ABCB11: variants seen among roughly 807,000 people sequenced by gnomAD.
ABCB11 encodes bile salt export pump.
ABCB11 carries 95 observed loss-of-function variants against 148.0 expected under a neutral mutation model. The observed-to-expected ratio is 0.64, with a 90% CI of 0.54 to 0.76. The LOEUF is 0.76. Among genes scored for constraint, ABCB11 ranks in the 30% least tolerant of loss-of-function variants. ABCB11 has a pLI of 0.00. For synonymous variants in ABCB11, 591 were observed against 555.4 expected, an observed-to-expected ratio of 1.06 and a Z score of -0.90; for missense variants, 1,523 against 1,617.8, an observed-to-expected ratio of 0.94 and a Z score of 1.01.
chr2:168,995,968 C>T (rs1694698970), intron 6 of ABCB11, among the ~76,000 whole-genome samples: 1 of 125,364 alleles, frequency 8.0e-6, no homozygotes, highest in Non-Finnish European at 1.6e-5. Flanking sequence ...GATAGATTTT[C>T]CCTAACTAAA....
intron 23 of ABCB11, among the ~76,000 whole-genome samples, chr2:168,934,098 C>A (rs1024954019): frequency 1.3e-5 from 2 of 148,168 alleles, no homozygotes; most frequent in East Asian, 3.9e-4. Flanking sequence ...CTAAATTATT[C>A]TAAAATTATT....
At chr2:169,008,145 A>G (rs947688765) in intron 5 of ABCB11, among the ~76,000 whole-genome samples, 14 of 152,274 alleles carry the variant, frequency 9.2e-5, no homozygotes, top group African/African-American at 2.9e-4. Flanking sequence ...TAGGATGGCT[A>G]TTGTATTGGT....
intron 12 of ABCB11, among the ~76,000 whole-genome samples, chr2:168,974,947 G>A (rs1199253852): frequency 6.8e-6 from 1 of 147,468 alleles, no homozygotes; most frequent in Admixed American, 6.9e-5. Context: ...ATATATTTAT[G>A]TATATAATGA....
At chr2:168,966,299 T>C (rs940655403) in intron 17 of ABCB11, among the ~76,000 whole-genome samples, 2 of 151,894 alleles carry the variant, frequency 1.3e-5, no homozygotes, top group Non-Finnish European at 2.9e-5. Flanking sequence ...CATCAACATA[T>C]GACTGACTAC....
intron 10 of ABCB11, among the ~76,000 whole-genome samples, chr2:168,983,539 A>G (rs766508816): frequency 1.3e-5 from 2 of 152,168 alleles, no homozygotes; most frequent in Non-Finnish European, 2.9e-5. Flanking sequence ...TATTTTCTTT[A>G]ACAAAGTTCA....
At chr2:169,009,415 C>A (rs1695114240) in intron 5 of ABCB11, among the ~76,000 whole-genome samples, 1 of 151,994 alleles carries the variant, frequency 6.6e-6, no homozygotes, top group South Asian at 2.1e-4. Flanking sequence ...ATGATGAGTT[C>A]ATGTCCTTTG....
chr2:168,958,180 T>C, intron 18 of ABCB11, 52 bp from the exon 19 acceptor site: 1 of 1,544,676 alleles, frequency 6.5e-7, no homozygotes, highest in Non-Finnish European at 8.9e-7. Flanking sequence ...CAAGACATTT[T>C]GCAGCAGATC....
At position 168,934,338 on chromosome 2, in the gene ABCB11, T is replaced by C. The variant is rs111362864; in HGVS notation, c.3056+846A>G. On this transcript the variant is annotated intron_variant, in intron 23 of 27. Coordinates refer to ENST00000650372, the MANE Select transcript of ABCB11 (RefSeq NM_003742.4). ...AAGGAAACCCAAGAACCGATTCCTA[T>C]AGGACCACTTTTCCTAATGCCCTCC... Among the ~76,000 whole-genome samples, 134 of 152,196 alleles carry C rather than the reference T, an allele frequency of 8.8e-4. 1 individual carries two copies. The highest frequency in any genetic ancestry group is 3.1e-3 in the African/African-American group (129 of 41,542).
intron 1 of ABCB11, among the ~76,000 whole-genome samples, chr2:169,022,906 T>G (rs1305404212): frequency 6.6e-6 from 1 of 152,056 alleles, no homozygotes; most frequent in Non-Finnish European, 1.5e-5. Flanking sequence ...CAAAAAGTAT[T>G]CAGTAAAAAT....
rs192328202 is a variant in ABCB11 at position 168,959,909 on chromosome 2, G to A, written c.2179-1781C>T. 4.6e-3 allele frequency among the ~76,000 whole-genome samples: 591 copies of A among 128,932 alleles called. 3 individuals carry two copies. Among genetic ancestry groups the A allele is most frequent in the Non-Finnish European group, 5.4e-3 (344 of 64,276 alleles). The allele number at this position is 128,932 out of a possible 152,430, so 84.6% of individuals were successfully genotyped here. On this transcript the variant is annotated intron_variant, in intron 18 of 27. Transcript: ENST00000650372. ...CCTTTGTCTCTGGTTCAGGGTACTCGTGTGACAGAGCAAGACTGCATCTCC... is the reference window on the plus strand; with the variant it reads ...CCTTTGTCTCTGGTTCAGGGTACTCATGTGACAGAGCAAGACTGCATCTCC...
At chr2:168,947,856 T>C (rs1692396821) in intron 19 of ABCB11, among the ~76,000 whole-genome samples, 1 of 151,694 alleles carries the variant, frequency 6.6e-6, no homozygotes, top group Non-Finnish European at 1.5e-5. Flanking sequence ...AGGTTTCTGG[T>C]TGTCACCAGA....
chr2:169,009,075 T>G (rs555973400), intron 5 of ABCB11, among the ~76,000 whole-genome samples: 1 of 152,182 alleles, frequency 6.6e-6, no homozygotes, highest in Non-Finnish European at 1.5e-5. Flanking sequence ...TAGGCAAATC[T>G]ACAGTCAGAA....
chr2:168,931,359 T>A (rs538358394), intron 24 of ABCB11, among the ~76,000 whole-genome samples: 1 of 152,304 alleles, frequency 6.6e-6, no homozygotes, highest in South Asian at 2.1e-4. Flanking sequence ...GGATAGACAT[T>A]TAATAGACCA....
At position 168,964,250 on chromosome 2, in the gene ABCB11, A is replaced by G. The variant is rs191649793; in HGVS notation, c.2134T>C (p.Leu712=). ...GTAGACTTATGATCTACAACAGCTAATGGAGGTTCGTGCACCAGGTAAGAA... is the reference window on the plus strand; with the variant it reads ...GTAGACTTATGATCTACAACAGCTAGTGGAGGTTCGTGCACCAGGTAAGAA... The part of the protein sequence containing the change: ...QLSYLVHEPP[L]AVVDHKSTYE... Residue 712 remains leucine, a synonymous_variant, in exon 18 of 28, where the codon TTA becomes CTA. Transcript: ENST00000650372. 7,886 of 1,570,236 alleles carry G rather than the reference A, an allele frequency of 5.0e-3. 39 individuals are homozygous for G. Among genetic ancestry groups the G allele is most frequent in the Middle Eastern group, 0.012 (72 of 5,984 alleles).
At chr2:168,967,886 C>A (rs1304365739) in intron 17 of ABCB11, among the ~76,000 whole-genome samples, 2 of 151,722 alleles carry the variant, frequency 1.3e-5, no homozygotes, top group Non-Finnish European at 2.9e-5. Flanking sequence ...TTATATTGAT[C>A]CAGGGAAAAA....
chr2:169,009,259 C>T (rs1341804740), intron 5 of ABCB11, among the ~76,000 whole-genome samples: 1 of 152,080 alleles, frequency 6.6e-6, no homozygotes, highest in East Asian at 1.9e-4. Context: ...AATCATGCTG[C>T]TATAAGGATA....
chr2:168,928,056 C>T (rs74710152), intron 25 of ABCB11, among the ~76,000 whole-genome samples: 9 of 152,112 alleles, frequency 5.9e-5, no homozygotes, highest in Admixed American at 2.0e-4. Flanking sequence ...GGCACAGATG[C>T]CTAACGTGCT....
chr2:169,024,475 A>C (rs912720390), intron 1 of ABCB11, among the ~76,000 whole-genome samples: 8 of 110,090 alleles, frequency 7.3e-5, no homozygotes, highest in African/African-American at 2.5e-4. Flanking sequence ...AGATGGTACA[A>C]AATTCCCATG....
intron 12 of ABCB11, among the ~76,000 whole-genome samples, chr2:168,974,769 T>C (rs561309440): frequency 6.6e-6 from 1 of 152,028 alleles, no homozygotes; most frequent in Admixed American, 6.6e-5. Context: ...CATTGTAATA[T>C]AAGTTTTAGC....
Sources: gnomAD v4.1 joint callset for allele counts (sites outside exome capture counted in the v4.1 genomes callset) on GRCh38, gnomAD v4.1.1 for gene constraint, MANE v1.5 for transcripts, NCBI Gene and HGNC (gene_info 2026-07-23, HGNC 2026-07-21) for gene names.